VCAN: variants seen among roughly 807,000 people sequenced by gnomAD.
VCAN encodes the protein versican.
In VCAN, 44 loss-of-function variants were observed where a neutral mutation model predicts 245.5. That is an observed-to-expected ratio of 0.18 (90% CI 0.14 to 0.23). The LOEUF (loss-of-function observed/expected upper bound fraction) is 0.23, where lower values mean the gene tolerates loss of function less well. VCAN is among the 10% of genes least tolerant of loss of function. The pLI, the probability that VCAN is intolerant of heterozygous loss-of-function variation, is 1.00. For synonymous variants in VCAN, 1,413 were observed against 1,437.0 expected (o/e 0.98, Z 0.38); for missense variants, 3,793 against 4,057.9 (o/e 0.93, Z 1.77).
In VCAN at chr5:83,541,876, C is replaced by T. The variant is rs148263424; in HGVS notation, c.8873C>T (p.Thr2958Ile). 4.7e-5 allele frequency: 76 copies of T among 1,614,090 alleles called. No homozygotes were observed. In the African/African-American group the frequency reaches 8.7e-4, roughly 18 times the overall value. ...FPTIKTPEAGTVITTADEIEL... is the reference protein window; with the variant it reads ...FPTIKTPEAGIVITTADEIEL... ...ACCATTAAAACACCTGAGGCTGGAA[C>T]TGTTATTACAACTGCCGATGAAATT... is the stretch of plus-strand genomic sequence containing the variant. Residue 2958 changes from threonine to isoleucine, a missense_variant, in exon 8 of 15, where the codon ACT becomes ATT. Thr to Ile is a moderately conservative substitution (Grantham distance 89). Coordinates refer to ENST00000265077, the MANE Select transcript of VCAN (RefSeq NM_004385.5).
Position 83,521,192 on chromosome 5 carries a change from G to A in VCAN, c.2886G>A (p.Glu962=). 6.2e-7 allele frequency: 1 copy of A among 1,613,520 alleles called. No homozygotes were observed. Among genetic ancestry groups the A allele is most frequent in the Non-Finnish European group, 8.5e-7 (1 of 1,179,574 alleles). ...LAFVSYSSTQ[E]PTTYVDSSHT... is the part of the protein sequence containing the mutation. Reference sequence around the variant, plus strand: ...TTGTTAGTTATAGTAGCACCCAAGAGCCTACTACTTATGTAGACTCTTCCC... The same window carrying A: ...TTGTTAGTTATAGTAGCACCCAAGAACCTACTACTTATGTAGACTCTTCCC... The change falls in exon 7 of 15, where the codon GAG becomes GAA. Residue 962 remains glutamate, a synonymous_variant. Coordinates refer to ENST00000265077, the MANE Select transcript of VCAN (RefSeq NM_004385.5).
chr5:83,573,711 C>A (rs1748375029), intron 13 of VCAN, among the ~76,000 whole-genome samples: 1 of 151,904 alleles, frequency 6.6e-6, no homozygotes, highest in African/African-American at 2.4e-5. Context: ...ATACTAATGG[C>A]AGTTGGGGAA....
chr5:83,507,808 T>G (rs1305965760), intron 5 of VCAN, among the ~76,000 whole-genome samples: 1 of 152,232 alleles, frequency 6.6e-6, no homozygotes, highest in Non-Finnish European at 1.5e-5. Context: ...TTATAAATAA[T>G]TCCTGACTAT....
chr5:83,549,865 G>A (rs1747393618), intron 10 of VCAN, among the ~76,000 whole-genome samples: 1 of 152,090 alleles, frequency 6.6e-6, no homozygotes, highest in South Asian at 2.1e-4. Flanking sequence ...TTTTCAGGTT[G>A]CCTAAGAACA....
intron 10 of VCAN, 67 bp from the exon 11 acceptor site, chr5:83,553,297 T>A (rs1747540244): frequency 1.2e-6 from 2 of 1,604,000 alleles, no homozygotes. Flanking sequence ...CTACTAACAC[T>A]TGGTTGGGGG....
intron 12 of VCAN, among the ~76,000 whole-genome samples, chr5:83,563,305 T>C (rs547500396): frequency 6.6e-6 from 1 of 152,266 alleles, no homozygotes; most frequent in Admixed American, 6.5e-5. Flanking sequence ...GGTTTATCTT[T>C]ACCTTGCAGG....
chr5:83,520,216 G>T lies in VCAN; in HGVS notation c.1910G>T (p.Gly637Val). 6.2e-7 allele frequency: 1 copy of T among 1,613,950 alleles called. No individual in the cohort carries two copies. Among genetic ancestry groups the T allele is most frequent in the Non-Finnish European group, 8.5e-7 (1 of 1,179,944 alleles). ...GGTAGGATAACGGAAGAGTTTCTTG[G>T]CAAATATCTGTCTACTACACCTTTT... Reference protein sequence around the residue: ...TSGRITEEFLGKYLSTTPFPS... With the variant: ...TSGRITEEFLVKYLSTTPFPS... Residue 637 changes from glycine (G) to valine (V), a missense_variant, in exon 7 of 15, where the codon GGC (glycine) becomes GTC (valine). This residue lies in a region of VCAN where 3,182 missense variants were observed against 3,250.3 expected (regional missense o/e 0.98). Transcript: ENST00000265077.
chr5:83,483,567 G>A lies in VCAN; in HGVS notation c.49G>A (p.Val17Ile). Residue 17 changes from valine (V) to isoleucine (I), a missense_variant, in exon 2 of 15, where the codon GTA (valine) becomes ATA (isoleucine). Val to Ile is a conservative substitution (Grantham distance 29, BLOSUM62 3). Coordinates refer to ENST00000265077, the MANE Select transcript of VCAN (RefSeq NM_004385.5). ...SILWMCSTLI[V>I]THALHKVKVG... ...CTTATGGATGTGTTCAACCTTAATA[G>A]TAACCCATGCGCTACATAAAGGTGA... 9 of 1,613,448 alleles carry A rather than the reference G, an allele frequency of 5.6e-6. No individual in the cohort carries two copies. Among genetic ancestry groups the A allele is most frequent in the Non-Finnish European group, 6.8e-6 (8 of 1,179,620 alleles).
chr5:83,548,613 T>C (rs946875977), intron 10 of VCAN, among the ~76,000 whole-genome samples: 2 of 152,226 alleles, frequency 1.3e-5, no homozygotes, highest in Non-Finnish European at 2.9e-5. Context: ...GAAAGCCCTA[T>C]GTTCATGATG....
chr5:83,509,543 A>ATT (rs1248064134), intron 5 of VCAN, among the ~76,000 whole-genome samples: 37 of 152,316 alleles, frequency 2.4e-4, no homozygotes, highest in African/African-American at 8.9e-4. Context: ...TCAATTAATT[A>ATT]TATTTCTTTG....
intron 13 of VCAN, 99 bp from the exon 14 acceptor site, chr5:83,579,881 G>T: frequency 7.8e-7 from 1 of 1,280,836 alleles, no homozygotes; most frequent in Non-Finnish European, 1.1e-6. Context: ...TGATGAAGTT[G>T]CTTACTTTGG....
At chr5:83,493,775 T>A in intron 4 of VCAN, 29 bp from the exon 5 acceptor site, 1 of 1,614,116 alleles carries the variant, frequency 6.2e-7, no homozygotes, top group Non-Finnish European at 8.5e-7. Flanking sequence ...GAGAAGAAAG[T>A]GCCACTAACT....
intron 5 of VCAN, among the ~76,000 whole-genome samples, chr5:83,500,962 T>A (rs139095843): frequency 2.0e-5 from 3 of 152,324 alleles, no homozygotes; most frequent in East Asian, 3.9e-4. Flanking sequence ...CTCCACAGTC[T>A]TGTCAACACT....
rs748437265 is a variant in VCAN, at chr5:83,520,077, C to G, written c.1771C>G (p.His591Asp). 1 of 1,614,050 alleles carries G rather than the reference C, an allele frequency of 6.2e-7. No homozygotes were observed. Among genetic ancestry groups the G allele is most frequent in the Middle Eastern group, 1.6e-4 (1 of 6,062 alleles). Residue 591 changes from histidine to aspartate, a missense_variant, in exon 7 of 15, where the codon CAC (histidine) becomes GAC (aspartate). His to Asp is a moderately conservative substitution (Grantham distance 81). This residue lies in a region of VCAN where 3,182 missense variants were observed against 3,250.3 expected (regional missense o/e 0.98). Coordinates refer to ENST00000265077, the MANE Select transcript of VCAN (RefSeq NM_004385.5). ...GTCAAAGACTTCAGAAGACACCATC[C>G]ACACTCATTTAGAAGACTTGGAGTC... ...TVSKTSEDTI[H>D]THLEDLESVS...
intron 13 of VCAN, 85 bp downstream of exon 13, chr5:83,572,645 G>GAA: frequency 6.6e-7 from 1 of 1,519,806 alleles, no homozygotes; most frequent in Non-Finnish European, 9.1e-7. Flanking sequence ...CAAATTCATT[G>GAA]TTTGAGACAC....
At chr5:83,490,026 C>A (rs1414098034) in intron 2 of VCAN, 72 bp from the exon 3 acceptor site, 5 of 1,539,084 alleles carry the variant, frequency 3.2e-6, no homozygotes, top group Non-Finnish European at 4.5e-6. Flanking sequence ...GGCTGCTTAT[C>A]CATTCACATA....
intron 12 of VCAN, among the ~76,000 whole-genome samples, chr5:83,559,888 T>C (rs936340480): frequency 9.9e-5 from 15 of 152,272 alleles, no homozygotes; most frequent in African/African-American, 3.6e-4. Flanking sequence ...GAACACATTA[T>C]GTCTTTCAGC....
At chr5:83,547,842 A>G in intron 9 of VCAN, 129 bp from the exon 10 acceptor site, 3 of 746,704 alleles carry the variant, frequency 4.0e-6, no homozygotes, top group South Asian at 1.5e-5. Flanking sequence ...CTAACAAATT[A>G]TACTTTTTTT....
chr5:83,476,040 C>T (rs947361067), intron 1 of VCAN, among the ~76,000 whole-genome samples: 1 of 152,186 alleles, frequency 6.6e-6, no homozygotes, highest in African/African-American at 2.4e-5. Context: ...TGTATCTATA[C>T]ACTTGTAAAT....
Sources: allele counts gnomAD v4.1 joint callset (sites outside exome capture counted in the v4.1 genomes callset), GRCh38; gene constraint gnomAD v4.1.1; regional missense constraint gnomAD v4.1.1; transcripts MANE v1.5; gene names NCBI Gene and HGNC (gene_info 2026-07-23, HGNC 2026-07-21).